Variants in ADCY9 observed in about 807,000 individuals in gnomAD.
ADCY9 encodes the protein adenylate cyclase type 9.
A neutral mutation model predicts 101.5 loss-of-function variants in ADCY9; 50 were observed. That is an observed-to-expected ratio of 0.49 (90% CI 0.39 to 0.62). ADCY9 has a LOEUF of 0.62. Among genes scored for constraint, ADCY9 ranks in the 20% least tolerant of loss-of-function variants. The pLI is 0.00. For missense variants in ADCY9, 1,662 were observed against 1,800.4 expected (o/e 0.92, Z 1.39); for synonymous variants, 905 against 769.3 (o/e 1.18, Z -2.92).
In ADCY9 at chr16:3,964,512, T is replaced by G. The variant is rs1307074532; in HGVS notation, c.*1263A>C. 1 of 152,278 alleles carries G rather than the reference T, an allele frequency of 6.6e-6. No homozygotes were observed. The highest frequency in any genetic ancestry group is 1.9e-4 in the East Asian group (1 of 5,190). 9.4% of individuals were successfully genotyped at this position (152,278 alleles called of 1,614,324 possible). A position where few individuals can be genotyped will look rare whatever the true frequency, so the allele number is the denominator to read the frequency against. ...TGCTCCCCAGATTAAATCCTGCCAC[T>G]GATAGGCCCTGTGCCATCTGAGAGC... On this transcript the variant is annotated 3_prime_UTR_variant, in exon 11 of 11. Transcript: ENST00000294016.
intron 5 of ADCY9, among the ~76,000 whole-genome samples, chr16:3,954,922 C>T (rs2055899793): frequency 6.6e-6 from 1 of 152,148 alleles, no homozygotes; most frequent in East Asian, 1.9e-4. Context: ...ATGCCACAAA[C>T]TTAGCGTACT....
intron 2 of ADCY9, among the ~76,000 whole-genome samples, chr16:4,009,664 T>A (rs1597162305): frequency 6.6e-6 from 1 of 152,232 alleles, no homozygotes; most frequent in African/African-American, 2.4e-5. Flanking sequence ...GACTGTAACA[T>A]GTATACACTG....
chr16:3,995,976 CATT>C (rs2141707720), intron 3 of ADCY9, among the ~76,000 whole-genome samples: 1 of 152,208 alleles, frequency 6.6e-6, no homozygotes, highest in South Asian at 2.1e-4. Flanking sequence ...TAAAAACTGA[CATT>C]ATCAACAGAG....
At position 3,993,439 on chromosome 16, in the gene ADCY9, G is replaced by GT; in HGVS notation, c.1955dup (p.Asn652LysfsTer8). ...TGTTTTTATGCTCGTCTTGGCAGCC[G>GT]TTTTGAGGTGCTCCTCCCTCGGCGC... On this transcript the variant is annotated frameshift_variant, in exon 4 of 11. Coordinates refer to ENST00000294016, the MANE Select transcript of ADCY9 (RefSeq NM_001116.4). LOFTEE classifies it high-confidence loss of function. 1.2e-6 allele frequency: 2 copies of GT among 1,614,220 alleles called. No individual in the cohort carries two copies. The highest frequency in any genetic ancestry group is 1.7e-6 in the Non-Finnish European group (2 of 1,180,036).
chr16:4,040,643 G>T (rs2056620586), intron 2 of ADCY9, among the ~76,000 whole-genome samples: 1 of 152,066 alleles, frequency 6.6e-6, no homozygotes, highest in African/African-American at 2.4e-5. Context: ...TTTTAGTAGA[G>T]ACGAGATTTC....
At chr16:4,033,317 C>T (rs1445491453) in intron 2 of ADCY9, among the ~76,000 whole-genome samples, 6 of 152,044 alleles carry the variant, frequency 3.9e-5, no homozygotes, top group African/African-American at 7.2e-5. Flanking sequence ...GAGTTGCTTC[C>T]GTAGATTCAC....
rs137867881 is a variant in ADCY9, at chr16:4,047,218, T to C, written c.1694-39660A>G. On this transcript the variant is annotated intron_variant, in intron 2 of 10. Coordinates refer to ENST00000294016, the MANE Select transcript of ADCY9 (RefSeq NM_001116.4). The stretch of plus-strand genomic sequence containing the variant: ...GATTTATAAAGTAAATAAAATTCTA[T>C]GACAGCATGGAGCCATTTTCATCCA... 5.1e-4 allele frequency among the ~76,000 whole-genome samples: 78 copies of C among 152,310 alleles called. No homozygotes were observed. In the East Asian group the frequency reaches 0.014, roughly 28 times the overall value.
chr16:3,966,480 C>T lies in ADCY9; in HGVS notation c.3357G>A (p.Gly1119=). 1 of 1,614,154 alleles carries T rather than the reference C, an allele frequency of 6.2e-7. No homozygotes were observed. Among genetic ancestry groups the T allele is most frequent in the South Asian group, 1.1e-5 (1 of 91,090 alleles). Residue 1119 remains glycine, a synonymous_variant, in exon 11 of 11, where the codon GGG becomes GGA. Coordinates refer to ENST00000294016, the MANE Select transcript of ADCY9 (RefSeq NM_001116.4). ...TIGATYMAAS[G]LNTAQAQDGS... ...CGTCCTGGGCCTGCGCGGTGTTCAG[C>T]CCTGACGCCGCCATGTACGTGGCTC...
At chr16:4,048,403 G>T (rs1567453513) in intron 2 of ADCY9, among the ~76,000 whole-genome samples, 1 of 152,064 alleles carries the variant, frequency 6.6e-6, no homozygotes, top group Non-Finnish European at 1.5e-5. Flanking sequence ...TTATTCCTGG[G>T]TCACATTCTC....
At chr16:3,980,182 T>C (rs998209264) in intron 7 of ADCY9, among the ~76,000 whole-genome samples, 16 of 152,382 alleles carry the variant, frequency 1.0e-4, no homozygotes, top group African/African-American at 3.8e-4. Flanking sequence ...TATTTCATTT[T>C]AAAAGACTTT....
At chr16:3,977,695 C>T (rs539831915) in intron 8 of ADCY9, 65 bp from the exon 9 acceptor site, 150 of 1,542,798 alleles carry the variant, frequency 9.7e-5, no homozygotes, top group Non-Finnish European at 1.3e-4. Flanking sequence ...TATACCCGGC[C>T]GCCAAAACAT....
chr16:3,971,854 C>T (rs910143499), intron 10 of ADCY9, among the ~76,000 whole-genome samples: 15 of 152,158 alleles, frequency 9.9e-5, no homozygotes, highest in African/African-American at 2.9e-4. Context: ...AATCAGTTAT[C>T]GCTTGTACAG....
At chr16:4,111,358 A>C (rs2057112848) in intron 2 of ADCY9, among the ~76,000 whole-genome samples, 1 of 152,170 alleles carries the variant, frequency 6.6e-6, no homozygotes, top group Non-Finnish European at 1.5e-5. Context: ...GCCTCGGCTC[A>C]CTACAACCTT....
chr16:4,108,754 G>C, intron 2 of ADCY9, among the ~76,000 whole-genome samples: 1 of 142,940 alleles, frequency 7.0e-6, no homozygotes, highest in East Asian at 2.1e-4. Context: ...CGCCCAGGCT[G>C]GAGTGCAATG....
downstream of ADCY9, among the ~76,000 whole-genome samples, chr16:3,960,115 G>A (rs577488392): frequency 1.2e-4 from 18 of 152,174 alleles, no homozygotes; most frequent in Admixed American, 2.6e-4. Flanking sequence ...GTCCAGAAAC[G>A]CTAGGAAACC....
At chr16:4,022,954 A>G (rs2056487959) in intron 2 of ADCY9, among the ~76,000 whole-genome samples, 1 of 152,208 alleles carries the variant, frequency 6.6e-6, no homozygotes, top group Admixed American at 6.6e-5. Context: ...CTGTCTTATT[A>G]ATCTCAGTAC....
intron 2 of ADCY9, among the ~76,000 whole-genome samples, chr16:4,066,668 A>G (rs2056803091): frequency 6.6e-6 from 1 of 152,190 alleles, no homozygotes; most frequent in Non-Finnish European, 1.5e-5. Flanking sequence ...TATAAGTGTG[A>G]GCCACAGCTT....
intron 2 of ADCY9, among the ~76,000 whole-genome samples, chr16:4,074,154 T>C (rs2056851796): frequency 6.6e-6 from 1 of 151,926 alleles, no homozygotes; most frequent in African/African-American, 2.4e-5. Context: ...TGTTATGAGG[T>C]TTATAATATA....
At chr16:4,070,865 T>A (rs2056829391) in intron 2 of ADCY9, among the ~76,000 whole-genome samples, 1 of 152,096 alleles carries the variant, frequency 6.6e-6, no homozygotes, top group Non-Finnish European at 1.5e-5. Flanking sequence ...AGGATTACTT[T>A]GAGCCCAGAA....
Sources: allele counts gnomAD v4.1 joint callset (sites outside exome capture counted in the v4.1 genomes callset), GRCh38; gene constraint gnomAD v4.1.1; transcripts MANE v1.5; gene names NCBI Gene and HGNC (gene_info 2026-07-23, HGNC 2026-07-21).